SETBP1: variants seen among roughly 807,000 people sequenced by gnomAD.
The protein encoded by SETBP1 is SET-binding protein.
SETBP1 carries 9 observed loss-of-function variants against 101.0 expected under a neutral mutation model. The observed-to-expected ratio is 0.09, with a 90% CI of 0.05 to 0.16. The LOEUF (loss-of-function observed/expected upper bound fraction) is 0.16, where lower values mean the gene tolerates loss of function less well. SETBP1 is among the 10% of genes least tolerant of loss of function. The pLI is 1.00. For missense variants in SETBP1, 1,858 were observed against 2,033.8 expected (o/e 0.91, Z 1.66); for synonymous variants, 818 against 788.5 (o/e 1.04, Z -0.63).
At chr18:44,795,522 G>T (rs1317918258) in intron 2 of SETBP1, among the ~76,000 whole-genome samples, 9 of 152,136 alleles carry the variant, frequency 5.9e-5, no homozygotes, top group African/African-American at 9.7e-5. Context: ...TGATTCTGGG[G>T]TTTCTAAACT....
intron 2 of SETBP1, among the ~76,000 whole-genome samples, chr18:44,791,275 CG>C (rs531565215): frequency 5.8e-4 from 88 of 152,190 alleles, no homozygotes; most frequent in African/African-American, 1.9e-3. Context: ...TCAGCTCCCA[CG>C]AAAAACAATG....
At chr18:45,046,142 C>T (rs142400999) in intron 5 of SETBP1, among the ~76,000 whole-genome samples, 2 of 152,298 alleles carry the variant, frequency 1.3e-5, no homozygotes, top group African/African-American at 4.8e-5. Flanking sequence ...ACCAAAGGAT[C>T]GCATAGTCCC....
intron 4 of SETBP1, among the ~76,000 whole-genome samples, chr18:44,964,631 A>T (rs926668057): frequency 1.3e-5 from 2 of 151,976 alleles, no homozygotes; most frequent in African/African-American, 2.4e-5. Context: ...AATTTGAAAA[A>T]TTCAGAAAAA....
chr18:44,860,907 C>T (rs1042693736), intron 2 of SETBP1, among the ~76,000 whole-genome samples: 1 of 152,202 alleles, frequency 6.6e-6, no homozygotes, highest in African/African-American at 2.4e-5. Context: ...CAGAGATAAG[C>T]TGCTTAATTC....
At chr18:45,004,133 A>G (rs2072675436) in intron 4 of SETBP1, among the ~76,000 whole-genome samples, 1 of 152,220 alleles carries the variant, frequency 6.6e-6, no homozygotes, top group Non-Finnish European at 1.5e-5. Context: ...CTGCACCAGA[A>G]TAAATCTCAC....
chr18:44,928,020 T>G (rs1245991467), intron 3 of SETBP1, among the ~76,000 whole-genome samples: 1 of 152,214 alleles, frequency 6.6e-6, no homozygotes, highest in African/African-American at 2.4e-5. Context: ...CATGTTGGTG[T>G]GCTGCATCCA....
At chr18:45,058,082 G>A (rs901662526) in intron 5 of SETBP1, among the ~76,000 whole-genome samples, 1 of 152,182 alleles carries the variant, frequency 6.6e-6, no homozygotes, top group Non-Finnish European at 1.5e-5. Context: ...TATAGATAGG[G>A]TCTGAAAGAA....
intron 2 of SETBP1, among the ~76,000 whole-genome samples, chr18:44,750,877 TATA>T (rs1305334525): frequency 1.3e-5 from 2 of 152,136 alleles, no homozygotes; most frequent in Non-Finnish European, 2.9e-5. Flanking sequence ...GTGTTATAAA[TATA>T]AAAAGATAGG....
intron 4 of SETBP1, among the ~76,000 whole-genome samples, chr18:44,991,010 G>C (rs1423701622): frequency 6.6e-6 from 1 of 150,778 alleles, no homozygotes; most frequent in Non-Finnish European, 1.5e-5. Flanking sequence ...CAGCACTTTG[G>C]GAGGCCAAGG....
rs184627264 is a variant in SETBP1 at position 44,931,988 on chromosome 18, T to G, written c.541-17893T>G. On this transcript the variant is annotated intron_variant, in intron 3 of 5. Coordinates refer to ENST00000649279, the MANE Select transcript of SETBP1 (RefSeq NM_015559.3). ...TGAATTTGATCCCGTCATTATGATG[T>G]TAGCTGCTTATTTTGCTTGTTAGTT... 8.1e-3 allele frequency among the ~76,000 whole-genome samples: 1,237 copies of G among 152,318 alleles called. 22 individuals are homozygous for G. Among genetic ancestry groups the G allele is most frequent in the African/African-American group, 0.028 (1,163 of 41,574 alleles).
chr18:44,731,253 C>T (rs1461379567), intron 2 of SETBP1, among the ~76,000 whole-genome samples: 1 of 152,202 alleles, frequency 6.6e-6, no homozygotes, highest in East Asian at 1.9e-4. Context: ...TTCCAAATAT[C>T]CCTTCCCCCA....
At chr18:45,056,140 G>T (rs2073804990) in intron 5 of SETBP1, among the ~76,000 whole-genome samples, 1 of 152,130 alleles carries the variant, frequency 6.6e-6, no homozygotes. Flanking sequence ...TTTGAAAATG[G>T]CAACTCATGT....
intron 2 of SETBP1, among the ~76,000 whole-genome samples, chr18:44,850,561 G>A (rs1293018200): frequency 1.3e-5 from 2 of 152,010 alleles, no homozygotes; most frequent in Non-Finnish European, 2.9e-5. Context: ...AGTAGAGGCA[G>A]GGTTTCACCA....
Position 44,701,319 on chromosome 18 carries a change from A to C in SETBP1, c.-28A>C. 6.9e-7 allele frequency: 1 copy of C among 1,456,164 alleles called. No individual in the cohort carries two copies. Among genetic ancestry groups the C allele is most frequent in the Non-Finnish European group, 9.1e-7 (1 of 1,101,980 alleles). 90.2% of individuals were successfully genotyped at this position (1,456,164 alleles called of 1,614,324 possible). ...TTCCCTTTTCCCCTTCCCCCTCCTG[A>C]GAACTCCGGAAGACTGTAGAGATTG... On this transcript the variant is annotated 5_prime_UTR_variant, in exon 2 of 6. Coordinates refer to ENST00000649279, the MANE Select transcript of SETBP1 (RefSeq NM_015559.3).
intron 4 of SETBP1, among the ~76,000 whole-genome samples, chr18:45,008,918 C>T (rs570311012): frequency 9.9e-5 from 15 of 152,226 alleles, no homozygotes; most frequent in East Asian, 7.7e-4. Context: ...AGAGTGAAGA[C>T]GAGGCAGCAG....
intron 3 of SETBP1, among the ~76,000 whole-genome samples, chr18:44,913,888 G>T (rs1161969037): frequency 6.6e-6 from 1 of 152,098 alleles, no homozygotes; most frequent in African/African-American, 2.4e-5. Context: ...TGGTTCATTG[G>T]TTTATTTTTT....
At chr18:44,770,586 GT>G (rs2070851200) in intron 2 of SETBP1, among the ~76,000 whole-genome samples, 1 of 152,032 alleles carries the variant, frequency 6.6e-6, no homozygotes, top group Admixed American at 6.6e-5. Flanking sequence ...CCCTGTTTTT[GT>G]TTTTGTTTTT....
chr18:44,966,463 A>G (rs1184370029), intron 4 of SETBP1, among the ~76,000 whole-genome samples: 1 of 152,078 alleles, frequency 6.6e-6, no homozygotes, highest in Non-Finnish European at 1.5e-5. Flanking sequence ...TGATGTAACT[A>G]ATATTTTCAC....
intron 4 of SETBP1, among the ~76,000 whole-genome samples, chr18:44,976,073 T>TACACACACACACACACACAC (rs57458132): frequency 7.0e-6 from 1 of 143,580 alleles, no homozygotes; most frequent in African/African-American, 2.6e-5. Context: ...TGGGGAGGGA[T>TACACACACACACACACACAC]ACACACACAC....
Sources: allele counts gnomAD v4.1 joint callset (sites outside exome capture counted in the v4.1 genomes callset), GRCh38; gene constraint gnomAD v4.1.1; transcripts MANE v1.5; gene names NCBI Gene and HGNC (gene_info 2026-07-23, HGNC 2026-07-21).